SAMSN1: variants seen among roughly 807,000 people sequenced by gnomAD.
SAMSN1 encodes the protein SAM domain, SH3 domain and nuclear localization signals 1, also known as SAM domain-containing protein SAMSN-1.
Under a neutral mutation model 42.0 loss-of-function variants are expected in SAMSN1, and 31 were observed. The observed-to-expected ratio is 0.74, with a 90% CI of 0.55 to 1.00. SAMSN1 has a LOEUF of 1.00. SAMSN1 is among the 50% of genes least tolerant of loss of function. The pLI, the probability that SAMSN1 is intolerant of heterozygous loss-of-function variation, is 0.00. For missense variants in SAMSN1, 464 were observed against 439.4 expected (o/e 1.06, Z -0.50); for synonymous variants, 178 against 151.9 (o/e 1.17, Z -1.26).
At chr21:14,551,248 A>G (rs1452524246), upstream of SAMSN1, among the ~76,000 whole-genome samples, 1 of 152,126 alleles carries the variant, frequency 6.6e-6, no homozygotes. Flanking sequence ...GAGATAATGT[A>G]ACACATTATC....
chr21:14,654,189 C>A (rs150104737), intron 1 of SAMSN1, among the ~76,000 whole-genome samples: 17 of 151,950 alleles, frequency 1.1e-4, no homozygotes, highest in African/African-American at 3.4e-4. Context: ...ACAGTATACA[C>A]TTAGCATATT....
chr21:14,511,351 C>T (rs1987680288), intron 4 of SAMSN1, among the ~76,000 whole-genome samples: 1 of 152,138 alleles, frequency 6.6e-6, no homozygotes, highest in South Asian at 2.1e-4. Context: ...AACTCCAGAC[C>T]AGGGCTTTTC....
At chr21:14,631,567 A>G (rs1983329543) in intron 2 of SAMSN1, among the ~76,000 whole-genome samples, 1 of 152,144 alleles carries the variant, frequency 6.6e-6, no homozygotes. Context: ...AGGGTTCACC[A>G]TATTGGCCAG....
intron 2 of SAMSN1, 56 bp downstream of exon 2, chr21:14,521,094 A>G (rs1469109802): frequency 9.1e-6 from 10 of 1,095,236 alleles, no homozygotes; most frequent in African/African-American, 3.2e-5. Context: ...CATTGTCTTC[A>G]TAATATTTCA....
intron 2 of SAMSN1, among the ~76,000 whole-genome samples, chr21:14,581,344 C>CTTTTT (rs56728511): frequency 0.081 from 2,626 of 32,518 alleles, 1,052 homozygotes; most frequent in Non-Finnish European, 0.11. Context: ...AATAATATTT[C>CTTTTT]TTTTTTTTTT....
intron 1 of SAMSN1, among the ~76,000 whole-genome samples, chr21:14,534,638 C>G (rs1412001175): frequency 6.6e-6 from 1 of 151,890 alleles, no homozygotes; most frequent in Non-Finnish European, 1.5e-5. Flanking sequence ...GCCTCAGCCT[C>G]CCAAGTAGCT....
chr21:14,535,873 CTGT>C (rs2123115389), intron 1 of SAMSN1, among the ~76,000 whole-genome samples: 1 of 152,260 alleles, frequency 6.6e-6, no homozygotes, highest in South Asian at 2.1e-4. Flanking sequence ...AAGTGGATTC[CTGT>C]TGTTAAAGCT....
intron 3 of SAMSN1, among the ~76,000 whole-genome samples, chr21:14,614,930 G>A (rs976449165): frequency 3.3e-5 from 5 of 152,106 alleles, no homozygotes. Context: ...TTGTAAATTG[G>A]TCATCATCAG....
At chr21:14,586,033 G>T (rs2123257790), upstream of SAMSN1, among the ~76,000 whole-genome samples, 1 of 152,102 alleles carries the variant, frequency 6.6e-6, no homozygotes, top group Admixed American at 6.5e-5. Context: ...GGGAGGCTGA[G>T]GTGGGCGGAT....
At chr21:14,586,844 GAAA>G (rs1478432986), upstream of SAMSN1, among the ~76,000 whole-genome samples, 1 of 152,306 alleles carries the variant, frequency 6.6e-6, no homozygotes, top group East Asian at 1.9e-4. Context: ...TTGCATTGGA[GAAA>G]AAGTCAGCCA....
At position 14,500,708 on chromosome 21, in the gene SAMSN1, T is replaced by C; in HGVS notation, c.589A>G (p.Lys197Glu). Residue 197 changes from lysine to glutamate, a missense_variant, in exon 6 of 8, where the codon AAA becomes GAA. By Grantham distance (56) the Lys-to-Glu change is moderately conservative. Transcript: ENST00000400566. ...CCTGTCCACATCCCCATTGGTGTTT[T>C]GCAAATAATGTCTATGATGTCTCCT... ...KKGDIIDIIC[K>E]TPMGMWTGML... 2 of 1,614,060 alleles carry C rather than the reference T, an allele frequency of 1.2e-6. No homozygotes were observed. Among genetic ancestry groups the C allele is most frequent in the Non-Finnish European group, 1.7e-6 (2 of 1,179,892 alleles).
chr21:14,502,538 G>C (rs1226690852), intron 5 of SAMSN1, among the ~76,000 whole-genome samples: 1 of 152,124 alleles, frequency 6.6e-6, no homozygotes. Flanking sequence ...GGGTAACTGG[G>C]GAATTCCTGT....
chr21:14,586,826 C>A (rs1348778604), upstream of SAMSN1, among the ~76,000 whole-genome samples: 1 of 152,150 alleles, frequency 6.6e-6, no homozygotes, highest in Non-Finnish European at 1.5e-5. Context: ...GAATATTTCA[C>A]CTGAGACTTG....
intron 6 of SAMSN1, among the ~76,000 whole-genome samples, chr21:14,596,676 C>A (rs1050760218): frequency 1.1e-4 from 17 of 152,106 alleles, no homozygotes; most frequent in African/African-American, 4.1e-4. Context: ...CATGGATAGA[C>A]CAAAGTGGCA....
chr21:14,562,366 T>G (rs1980973590), intron 2 of SAMSN1, among the ~76,000 whole-genome samples: 1 of 152,068 alleles, frequency 6.6e-6, no homozygotes, highest in Non-Finnish European at 1.5e-5. Flanking sequence ...TCACCCCTCT[T>G]CTCTCTCAGT....
intron 2 of SAMSN1, among the ~76,000 whole-genome samples, chr21:14,567,311 A>C (rs913563264): frequency 9.9e-5 from 15 of 151,848 alleles, no homozygotes; most frequent in Non-Finnish European, 1.8e-4. Flanking sequence ...AAAAAAAAAA[A>C]ACACAAAAAA....
In SAMSN1 at chr21:14,643,457, T is replaced by C. The variant is rs116635081; in HGVS notation, c.25-324A>G. Among the ~76,000 whole-genome samples, 475 of 152,318 alleles carry C rather than the reference T, an allele frequency of 3.1e-3. 5 individuals are homozygous for C. The highest frequency in any genetic ancestry group is 0.011 in the African/African-American group (450 of 41,572). On this transcript the variant is annotated intron_variant, in intron 1 of 15. Coordinates refer to the SAMSN1 transcript ENST00000647101. Reference sequence around the variant, plus strand: ...CATTAAGCTCAAAAAACTAAATAAATGCCTTTTGAGACACCAATAAACTGT... The same window carrying C: ...CATTAAGCTCAAAAAACTAAATAAACGCCTTTTGAGACACCAATAAACTGT...
At chr21:14,642,618 C>T (rs991870780) in intron 2 of SAMSN1, among the ~76,000 whole-genome samples, 2 of 152,140 alleles carry the variant, frequency 1.3e-5, no homozygotes, top group African/African-American at 4.8e-5. Flanking sequence ...ACCTGATTTG[C>T]CAGAAACTAC....
At chr21:14,538,621 A>C (rs900386478) in intron 1 of SAMSN1, among the ~76,000 whole-genome samples, 3 of 152,232 alleles carry the variant, frequency 2.0e-5, no homozygotes, top group African/African-American at 4.8e-5. Flanking sequence ...ATACAAAAAA[A>C]CAGTGAAGAA....
Sources: allele counts gnomAD v4.1 joint callset (sites outside exome capture counted in the v4.1 genomes callset), GRCh38; gene constraint gnomAD v4.1.1; transcripts MANE v1.5; gene names NCBI Gene and HGNC (gene_info 2026-07-23, HGNC 2026-07-21).